The following SMC6 variants were observed in gnomAD, a reference collection of about 807,000 sequenced individuals.
SMC6 encodes structural maintenance of chromosomes 6.
In SMC6, 79 loss-of-function variants were observed where a neutral mutation model predicts 142.2. The observed-to-expected ratio is 0.56, with a 90% CI of 0.46 to 0.67. The LOEUF is 0.67. Ranked by LOEUF, SMC6 falls within the 30% of genes least tolerant of loss-of-function variation. The probability of loss-of-function intolerance (pLI) is 0.00; values close to 1 mark genes in which losing one functional copy is unlikely to be tolerated. For missense variants in SMC6, 1,072 were observed against 1,284.0 expected (o/e 0.83, Z 2.52); for synonymous variants, 411 against 412.4 (o/e 1.00, Z 0.04).
intron 5 of SMC6, among the ~76,000 whole-genome samples, chr2:17,732,811 T>C (rs572226784): frequency 6.6e-6 from 1 of 152,284 alleles, no homozygotes; most frequent in Non-Finnish European, 1.5e-5. Context: ...TATAAAATGA[T>C]GAGTATAAAT....
At chr2:17,704,360 G>A (rs140847996) in intron 18 of SMC6, among the ~76,000 whole-genome samples, 421 of 152,300 alleles carry the variant, frequency 2.8e-3, no homozygotes, top group African/African-American at 8.7e-3. Context: ...TGTGTGAGTA[G>A]TGAAGGGGAA....
chr2:17,667,692 A>G (rs2555108), intron 26 of SMC6, among the ~76,000 whole-genome samples: 40,805 of 152,040 alleles, frequency 0.27, 6,108 homozygotes, highest in Non-Finnish European at 0.33. Context: ...TCTACAAAAA[A>G]TACAAAAATT....
At chr2:17,709,452 C>T (rs1377588830) in intron 16 of SMC6, among the ~76,000 whole-genome samples, 2 of 152,084 alleles carry the variant, frequency 1.3e-5, no homozygotes, top group Non-Finnish European at 2.9e-5. Flanking sequence ...GAAAAATGAA[C>T]ATACTAAGAA....
At chr2:17,726,855 G>A (rs1410499634) in intron 7 of SMC6, among the ~76,000 whole-genome samples, 1 of 152,142 alleles carries the variant, frequency 6.6e-6, no homozygotes, top group Non-Finnish European at 1.5e-5. Flanking sequence ...AGCATGGTAA[G>A]GAGTCAGTCA....
At position 17,731,102 on chromosome 2, in the gene SMC6, T is replaced by G; in HGVS notation, c.519A>C (p.Ala173=). ...CCTGGATGTTAAAATGATCAAGAAT[T>G]GCAATCAGCTCTTCTTTCCTCGTGG... ...VVSTRKEELI[A]ILDHFNIQVD... Residue 173 remains alanine, a synonymous_variant, in exon 7 of 28, where the codon GCA becomes GCC. Coordinates refer to ENST00000448223, the MANE Select transcript of SMC6 (RefSeq NM_001142286.2). 1 of 1,612,856 alleles carries G rather than the reference T, an allele frequency of 6.2e-7. No homozygotes were observed. The highest frequency in any genetic ancestry group is 1.3e-5 in the African/African-American group (1 of 75,002).
chr2:17,718,349 A>C (rs1572324123), intron 11 of SMC6, 126 bp from the exon 12 acceptor site: 4 of 534,466 alleles, frequency 7.5e-6, no homozygotes, highest in Non-Finnish European at 1.2e-5. Context: ...GCAAATAAAC[A>C]TAACATAACA....
chr2:17,726,467 C>T lies in SMC6; in HGVS notation c.546G>A (p.Val182=), dbSNP rs1310195259. 3 of 1,606,512 alleles carry T rather than the reference C, an allele frequency of 1.9e-6. No homozygotes were observed. Among genetic ancestry groups the T allele is most frequent in the South Asian group, 2.2e-5 (2 of 89,374 alleles). Residue 182 remains valine, a splice_region_variant and synonymous_variant, in exon 8 of 28, where the codon GTG becomes GTA. Transcript: ENST00000448223. ...IAILDHFNIQ[V]DNPVSVLTQE... ...GTGTTAAAACAGAAACTGGATTATC[C>T]ACCTCAAACAAACAAAAAGTCATTT... is the stretch of plus-strand genomic sequence containing the variant.
intron 25 of SMC6, among the ~76,000 whole-genome samples, chr2:17,674,323 T>C (rs1381934607): frequency 7.2e-5 from 11 of 152,342 alleles, no homozygotes; most frequent in East Asian, 1.9e-4. Flanking sequence ...ACAGATTACA[T>C]AGAAATGTGC....
chr2:17,742,120 G>A (rs1018602493), intron 3 of SMC6, among the ~76,000 whole-genome samples: 8 of 152,178 alleles, frequency 5.3e-5, no homozygotes, highest in African/African-American at 1.9e-4. Context: ...TCCAGACATT[G>A]CTAAATGTCC....
chr2:17,705,774 T>C lies in SMC6; in HGVS notation c.2006+1445A>G, dbSNP rs192236823. Among the ~76,000 whole-genome samples, 69 of 152,340 alleles carry C rather than the reference T, an allele frequency of 4.5e-4. 1 individual carries two copies. The highest frequency in any genetic ancestry group is 1.4e-3 in the African/African-American group (60 of 41,592). On this transcript the variant is annotated intron_variant, in intron 18 of 27. Coordinates refer to ENST00000448223, the MANE Select transcript of SMC6 (RefSeq NM_001142286.2). ...ACTGGGTAAAACTAATTCCTATACA[T>C]TTTCATACAGTGTTCCTCCTTAGTT...
intron 23 of SMC6, among the ~76,000 whole-genome samples, chr2:17,690,281 A>G (rs1401959726): frequency 6.6e-6 from 1 of 152,212 alleles, no homozygotes; most frequent in Non-Finnish European, 1.5e-5. Context: ...CACAATAACT[A>G]AAACAGTATG....
At chr2:17,693,188 A>G (rs1009240613) in intron 23 of SMC6, among the ~76,000 whole-genome samples, 7 of 152,198 alleles carry the variant, frequency 4.6e-5, no homozygotes, top group African/African-American at 1.4e-4. Flanking sequence ...TGACCCAGCC[A>G]TCCCATTACT....
In SMC6 at chr2:17,695,266, G is replaced by A. The variant is rs1419181440; in HGVS notation, c.2564C>T (p.Pro855Leu). The A allele has an allele frequency of 4.3e-6, 7 of 1,612,920 alleles. No individual in the cohort carries two copies. Among genetic ancestry groups the A allele is most frequent in the Non-Finnish European group, 5.9e-6 (7 of 1,179,714 alleles). Residue 855 changes from proline (P) to leucine (L), a missense_variant, in exon 23 of 28, where the codon CCA becomes CTA. Pro to Leu is a moderately conservative substitution (Grantham distance 98, BLOSUM62 -3). Transcript: ENST00000448223. ...EKMSQARQIC[P>L]ERIEVEKSAS... Reference sequence around the variant, plus strand: ...AGATTTTTCTACTTCTATACGCTCTGGGCAGATTTGTCTTGCTTGTGACAT... The same window carrying A: ...AGATTTTTCTACTTCTATACGCTCTAGGCAGATTTGTCTTGCTTGTGACAT...
intron 16 of SMC6, among the ~76,000 whole-genome samples, chr2:17,709,966 A>G (rs952719008): frequency 1.3e-5 from 2 of 152,194 alleles, no homozygotes; most frequent in African/African-American, 2.4e-5. Context: ...CAGAGACAGG[A>G]TAAGAAAGAT....
At chr2:17,721,382 A>G in intron 9 of SMC6, 121 bp from the exon 10 acceptor site, 2 of 997,358 alleles carry the variant, frequency 2.0e-6, no homozygotes, top group Non-Finnish European at 2.8e-6. Context: ...TCGTTTAAAA[A>G]TAACTTCTAT....
At position 17,716,870 on chromosome 2, in the gene SMC6, C is replaced by G. The variant is rs1414155644; in HGVS notation, c.1217G>C (p.Arg406Thr). 1 of 1,608,938 alleles carries G rather than the reference C, an allele frequency of 6.2e-7. No homozygotes were observed. Among genetic ancestry groups the G allele is most frequent in the Non-Finnish European group, 8.5e-7 (1 of 1,178,392 alleles). ...TTTTAACCAAGATATTTTTTTTTGT[C>G]TTTCCAACCGTTCAGGTTCCAAAGA... Reference protein sequence around the residue: ...DQSLEPERLERQKKISWLKER... With the variant: ...DQSLEPERLETQKKISWLKER... The change falls in exon 14 of 28, where the codon AGA (arginine) becomes ACA (threonine). Residue 406 changes from arginine to threonine, a missense_variant. Around this residue, in one of 3 missense-constraint regions of SMC6, gnomAD observed 994 missense variants for 1,153.2 expected, o/e 0.86. Coordinates refer to ENST00000448223, the MANE Select transcript of SMC6 (RefSeq NM_001142286.2).
chr2:17,703,377 T>C, intron 18 of SMC6, 85 bp from the exon 19 acceptor site: 1 of 1,257,102 alleles, frequency 8.0e-7, no homozygotes, highest in Non-Finnish European at 1.1e-6. Flanking sequence ...AAGAAAGCCT[T>C]ATTTATAGTA....
chr2:17,696,481 T>C (rs1572281928), intron 21 of SMC6, 55 bp from the exon 22 acceptor site: 4 of 1,561,892 alleles, frequency 2.6e-6, no homozygotes, highest in East Asian at 2.3e-5. Flanking sequence ...CCAGCATAGG[T>C]ATAAAGATAA....
chr2:17,752,820 T>C (rs1256357791), intron 2 of SMC6, among the ~76,000 whole-genome samples, 158 bp downstream of exon 2: 2 of 152,198 alleles, frequency 1.3e-5, no homozygotes, highest in African/African-American at 4.8e-5. Context: ...TGGGTTTTTC[T>C]TTTTTCCTTT....
Sources: allele counts gnomAD v4.1 joint callset (sites outside exome capture counted in the v4.1 genomes callset), GRCh38; gene constraint gnomAD v4.1.1; regional missense constraint gnomAD v4.1.1; transcripts MANE v1.5; gene names NCBI Gene and HGNC (gene_info 2026-07-23, HGNC 2026-07-21).